The following COL5A3 variants were observed in gnomAD, a reference collection of about 807,000 sequenced individuals.
COL5A3 encodes the protein collagen alpha-3(V) chain.
COL5A3 carries 172 observed loss-of-function variants against 250.0 expected under a neutral mutation model. The observed-to-expected ratio is 0.69, with a 90% confidence interval of 0.61 to 0.78. The LOEUF is 0.78. Among genes scored for constraint, COL5A3 ranks in the 30% least tolerant of loss-of-function variants. The pLI is 0.00. For synonymous variants in COL5A3, 937 were observed against 900.4 expected, an observed-to-expected ratio of 1.04 and a Z score of -0.73; for missense variants, 2,340 against 2,334.4, an observed-to-expected ratio of 1.00 and a Z score of -0.05.
intron 1 of COL5A3, among the ~76,000 whole-genome samples, chr19:10,008,627 A>C (rs908889156): frequency 2.0e-5 from 3 of 152,106 alleles, no homozygotes; most frequent in African/African-American, 7.2e-5. Context: ...TGTGCATGAG[A>C]TTGTACAAGC....
intron 11 of COL5A3, 125 bp downstream of exon 11, chr19:9,997,246 G>A (rs956701233): frequency 1.3e-6 from 1 of 749,452 alleles, no homozygotes; most frequent in African/African-American, 1.7e-5. Flanking sequence ...AACAGAAGAG[G>A]TCAGTGCCAG....
At chr19:9,970,708 A>T in intron 53 of COL5A3, 33 bp from the exon 54 acceptor site, 1 of 1,399,826 alleles carries the variant, frequency 7.1e-7, no homozygotes, top group Admixed American at 3.2e-5. Flanking sequence ...CTGTGGTCTC[A>T]GCTAACATTG....
At chr19:9,977,733 A>T in intron 41 of COL5A3, 32 bp from the exon 42 acceptor site, 1 of 1,488,192 alleles carries the variant, frequency 6.7e-7, no homozygotes, top group Non-Finnish European at 9.0e-7. Flanking sequence ...CAGGTATAAT[A>T]CCAGTAGTAG....
At position 9,989,597 on chromosome 19, in the gene COL5A3, A is replaced by C; in HGVS notation, c.1993-75T>G. ...GAGCACCACTAGGATCTACGCAGAC[A>C]TGCAGCCGCCTCAAGGTTAAGAAAT... On this transcript the variant is annotated intron_variant, in intron 24 of 66. Transcript: ENST00000264828. 3 of 1,324,546 alleles carry C rather than the reference A, an allele frequency of 2.3e-6. No homozygotes were observed. In the South Asian group the frequency reaches 4.2e-5, roughly 19 times the overall value. 82.0% of individuals were successfully genotyped at this position (1,324,546 alleles called of 1,614,324 possible). A position where few individuals can be genotyped will look rare whatever the true frequency, so the allele number is the denominator to read the frequency against.
At chr19:9,983,633 G>A (rs375124289) in intron 31 of COL5A3, among the ~76,000 whole-genome samples, 1 of 72,052 alleles carries the variant, frequency 1.4e-5, no homozygotes, top group East Asian at 4.5e-4. Flanking sequence ...AAAGAAAGAA[G>A]AGAGAGAGAG....
intron 31 of COL5A3, among the ~76,000 whole-genome samples, chr19:9,983,979 T>C (rs1250313700): frequency 6.6e-6 from 1 of 151,034 alleles, no homozygotes; most frequent in Non-Finnish European, 1.5e-5. Flanking sequence ...AGCACAAAAA[T>C]GTGAAACTCT....
intron 32 of COL5A3, 98 bp from the exon 33 acceptor site, chr19:9,981,230 T>C: frequency 9.5e-7 from 1 of 1,052,540 alleles, no homozygotes; most frequent in African/African-American, 1.6e-5. Context: ...CAGAAAGCTG[T>C]CTGCCACATA....
Position 9,979,437 on chromosome 19 carries a change from G to A in COL5A3, c.2713-20C>T. Reference sequence around the variant, plus strand: ...GAAGCCCTAGAGAGAAAAATTAAATGTGGGGGCGGTGTTACATGGGGAAGG... The same window carrying A: ...GAAGCCCTAGAGAGAAAAATTAAATATGGGGGCGGTGTTACATGGGGAAGG... On this transcript the variant is annotated intron_variant, in intron 37 of 66. Coordinates refer to ENST00000264828, the MANE Select transcript of COL5A3 (RefSeq NM_015719.4). The A allele has an allele frequency of 6.2e-7, 1 of 1,613,876 alleles. No individual in the cohort carries two copies. The highest frequency in any genetic ancestry group is 8.5e-7 in the Non-Finnish European group (1 of 1,179,808).
chr19:9,977,896 T>A (rs531373808), intron 41 of COL5A3, among the ~76,000 whole-genome samples, 195 bp from the exon 42 acceptor site: 2 of 149,550 alleles, frequency 1.3e-5, no homozygotes, highest in African/African-American at 4.9e-5. Context: ...GAACACTCCA[T>A]GGCTCCCATC....
chr19:9,997,431 C>T lies in COL5A3; in HGVS notation c.1203G>A (p.Gly401=), dbSNP rs969964631. 1.2e-6 allele frequency: 2 copies of T among 1,604,138 alleles called. No homozygotes were observed. Among genetic ancestry groups the T allele is most frequent in the Non-Finnish European group, 1.7e-6 (2 of 1,175,754 alleles). Residue 401 remains glycine, a splice_region_variant and synonymous_variant, in exon 11 of 67, where the codon GGG becomes GGA. Transcript: ENST00000264828. ...EGPPGAPGPQ[G]VVGPSGPPGP... ...CGGGAGGGCCTGAGGGGCCAACCACCCCCTGTTGGGGACAGAGAAACAGGA... is the reference window on the plus strand; with the variant it reads ...CGGGAGGGCCTGAGGGGCCAACCACTCCCTGTTGGGGACAGAGAAACAGGA...
rs982896698 is a variant in COL5A3 at position 9,991,636 on chromosome 19, C to A, written c.1966G>T (p.Gly656Ter). 1 of 1,608,158 alleles carries A rather than the reference C, an allele frequency of 6.2e-7. No individual in the cohort carries two copies. The highest frequency in any genetic ancestry group is 8.5e-7 in the Non-Finnish European group (1 of 1,177,176). ...HGSQGLPGPQ[G>*]LIGTPGEKGP... is the part of the protein sequence containing the mutation. ...TTCTCCCCAGGAGTGCCAATGAGTC[C>A]CTGGGGACCGGGGAGTCCCTGGAGA... is the stretch of plus-strand genomic sequence containing the variant. The change falls in exon 24 of 67, where the codon GGA becomes TGA. Residue 656 changes from glycine to a stop codon, truncating the protein, a stop_gained. Coordinates refer to ENST00000264828, the MANE Select transcript of COL5A3 (RefSeq NM_015719.4). LOFTEE classifies it high-confidence loss of function.
chr19:9,966,240 C>T (rs1480268377), intron 64 of COL5A3, 74 bp downstream of exon 64: 1 of 1,113,184 alleles, frequency 9.0e-7, no homozygotes, highest in Admixed American at 2.0e-5. Context: ...ACGTCCCAGA[C>T]AAGGTGGTTG....
rs769485807 is a variant in COL5A3, at chr19:9,978,892, G to A, written c.2963C>T (p.Pro988Leu). ...AGGAGGGTCTCCAAAGATACTCACCGGGTCCCCAGGGCCCCCTTTGGGGCC... is the reference window on the plus strand; with the variant it reads ...AGGAGGGTCTCCAAAGATACTCACCAGGTCCCCAGGGCCCCCTTTGGGGCC... ...FPGPKGGPGD[P>L]GPTGLKGDKG... The change falls in exon 40 of 67, where the codon CCG becomes CTG. Residue 988 changes from proline to leucine, a missense_variant and splice_region_variant. Pro to Leu is a moderately conservative substitution (Grantham distance 98). Coordinates refer to ENST00000264828, the MANE Select transcript of COL5A3 (RefSeq NM_015719.4). 7.7e-5 allele frequency: 112 copies of A among 1,455,900 alleles called. No individual in the cohort carries two copies. The highest frequency in any genetic ancestry group is 9.6e-5 in the Non-Finnish European group (106 of 1,103,722). The allele number at this position is 1,455,900 out of a possible 1,614,324, so 90.2% of individuals were successfully genotyped here. A position where few individuals can be genotyped will look rare whatever the true frequency, so the allele number is the denominator to read the frequency against.
At chr19:9,973,141 G>C in intron 50 of COL5A3, 115 bp from the exon 51 acceptor site, 1 of 901,080 alleles carries the variant, frequency 1.1e-6, no homozygotes, top group Non-Finnish European at 1.7e-6. Context: ...TCAGGGTTCA[G>C]AGTAGCCTAG....
Position 9,968,033 on chromosome 19 carries a change from C to T in COL5A3, c.4361G>A (p.Gly1454Asp), listed in dbSNP as rs1324483825. 1 of 1,591,022 alleles carries T rather than the reference C, an allele frequency of 6.3e-7. No individual in the cohort carries two copies. The highest frequency in any genetic ancestry group is 1.2e-5 in the South Asian group (1 of 86,460). The part of the protein sequence containing the change: ...IGSLGHPGPP[G>D]VAGPLGQKGS... ...GATTCCCTGCATACTCACCGCCACA[C>T]CTGGGGGCCCAGGGTGGCCCAGAGA... Residue 1454 changes from glycine to aspartate, a missense_variant, in exon 60 of 67, where the codon GGT (glycine) becomes GAT (aspartate). Gly to Asp is a moderately conservative substitution (Grantham distance 94). Transcript: ENST00000264828. The surrounding 1 kb of genome is among the most constrained non-coding windows in gnomAD (Gnocchi z 4.1).
At chr19:10,010,073 C>T (rs983673336) in intron 1 of COL5A3, among the ~76,000 whole-genome samples, 4 of 152,124 alleles carry the variant, frequency 2.6e-5, no homozygotes, top group African/African-American at 9.7e-5. Context: ...CATGCATTCC[C>T]ACGCGCTCGC....
In COL5A3 at chr19:9,966,679, A is replaced by G. The variant is rs1156439024; in HGVS notation, c.4526T>C (p.Val1509Ala). 7.1e-6 allele frequency: 11 copies of G among 1,538,502 alleles called. No homozygotes were observed. The highest frequency in any genetic ancestry group is 2.0e-5 in the Admixed American group (1 of 51,126). Residue 1509 changes from valine to alanine, a missense_variant, in exon 63 of 67, where the codon GTG (valine) becomes GCG (alanine). Val to Ala is a moderately conservative substitution (Grantham distance 64, BLOSUM62 0). Transcript: ENST00000264828. ...RRFVPVPLPV[V>A]EGGLEEVLAS... ...CAGCACCTCCTCCAGGCCGCCCTCC[A>G]CGACTGGAAGCGGGACTGGGACGAA...
intron 31 of COL5A3, among the ~76,000 whole-genome samples, chr19:9,984,027 A>ATT (rs200106197): frequency 2.7e-5 from 4 of 148,688 alleles, no homozygotes; most frequent in Admixed American, 1.3e-4. Context: ...CCAAATGTCT[A>ATT]TTTTTTTTTT....
At chr19:9,993,870 G>A (rs1054894433) in intron 16 of COL5A3, 64 bp from the exon 17 acceptor site, 3 of 1,426,150 alleles carry the variant, frequency 2.1e-6, no homozygotes, top group African/African-American at 2.9e-5. Context: ...ACCAAATTAG[G>A]AACCCAACTT....
Sources: allele counts gnomAD v4.1 joint callset (sites outside exome capture counted in the v4.1 genomes callset), GRCh38; gene constraint gnomAD v4.1.1; non-coding constraint Gnocchi (gnomAD v3.1); transcripts MANE v1.5; gene names NCBI Gene and HGNC (gene_info 2026-07-23, HGNC 2026-07-21).